Variants in RARB observed in about 807,000 individuals in gnomAD.
The protein encoded by RARB is HBV-activated protein.
Under a neutral mutation model 51.9 loss-of-function variants are expected in RARB, and 17 were observed. The ratio of observed to expected loss-of-function variants is 0.33; its 90% CI spans 0.22 to 0.49. RARB has a LOEUF of 0.49. Among genes scored for constraint, RARB ranks in the 20% least tolerant of loss-of-function variants. RARB has a pLI of 0.99. For synonymous variants in RARB, 215 were observed against 195.4 expected (o/e 1.10, Z -0.84); for missense variants, 369 against 550.8 (o/e 0.67, Z 3.30).
intron 5 of RARB, among the ~76,000 whole-genome samples, chr3:25,318,183 A>G (rs909219606): frequency 1.3e-5 from 2 of 152,162 alleles, no homozygotes; most frequent in African/African-American, 4.8e-5. Flanking sequence ...CTCTTTATGT[A>G]TAGCTGAGTT....
intron 5 of RARB, among the ~76,000 whole-genome samples, chr3:25,345,429 G>T (rs1705360039): frequency 6.6e-6 from 1 of 152,152 alleles, no homozygotes; most frequent in South Asian, 2.1e-4. Flanking sequence ...CACTTTGGGA[G>T]GCTGAGGTGG....
chr3:24,918,619 G>A (rs866272277), intron 2 of RARB, among the ~76,000 whole-genome samples: 37 of 152,194 alleles, frequency 2.4e-4, no homozygotes, highest in South Asian at 8.3e-4. Flanking sequence ...ACAGTGGCTC[G>A]CACCTGTAAT....
At chr3:25,251,312 A>G (rs948081584) in intron 5 of RARB, among the ~76,000 whole-genome samples, 3 of 152,060 alleles carry the variant, frequency 2.0e-5, no homozygotes, top group Non-Finnish European at 4.4e-5. Flanking sequence ...GGCTTTTATG[A>G]ATAATGCTGC....
At chr3:24,944,191 T>C (rs1319106870) in intron 2 of RARB, among the ~76,000 whole-genome samples, 2 of 152,208 alleles carry the variant, frequency 1.3e-5, no homozygotes, top group African/African-American at 4.8e-5. Context: ...ACTTACATTC[T>C]TGTTTCTCTC....
intron 3 of RARB, among the ~76,000 whole-genome samples, chr3:25,524,655 C>CCTTCCTTCTTT: frequency 1.4e-5 from 2 of 145,360 alleles, no homozygotes; most frequent in African/African-American, 5.0e-5. Context: ...CTCCCTCCTT[C>CCTTCCTTCTTT]CTTCCTTCTT....
At chr3:25,568,443 C>T (rs928260672) in intron 3 of RARB, among the ~76,000 whole-genome samples, 1 of 152,202 alleles carries the variant, frequency 6.6e-6, no homozygotes, top group African/African-American at 2.4e-5. Context: ...GCCCTCCCTC[C>T]TGGTTAGGTA....
intron 1 of RARB, among the ~76,000 whole-genome samples, chr3:25,445,438 G>A (rs866961217): frequency 5.3e-5 from 8 of 152,254 alleles, no homozygotes; most frequent in African/African-American, 1.9e-4. Flanking sequence ...GCCGAGACAG[G>A]TGGATCACTT....
chr3:25,192,640 A>G (rs1049313505), intron 5 of RARB, among the ~76,000 whole-genome samples: 1 of 152,060 alleles, frequency 6.6e-6, no homozygotes, highest in African/African-American at 2.4e-5. Flanking sequence ...GGTTTGCCAT[A>G]ATTAGGGGTT....
At chr3:25,148,807 T>C (rs548471939) in intron 4 of RARB, among the ~76,000 whole-genome samples, 1 of 152,254 alleles carries the variant, frequency 6.6e-6, no homozygotes, top group African/African-American at 2.4e-5. Context: ...TTGCCAAATA[T>C]TCCCTTTCTC....
At chr3:25,187,665 G>A (rs894908118) in intron 5 of RARB, among the ~76,000 whole-genome samples, 4 of 152,032 alleles carry the variant, frequency 2.6e-5, no homozygotes, top group African/African-American at 9.7e-5. Flanking sequence ...GATTTCATTT[G>A]TTGTGACGAG....
At chr3:25,581,363 G>T (rs956899648) in intron 5 of RARB, among the ~76,000 whole-genome samples, 1 of 152,096 alleles carries the variant, frequency 6.6e-6, no homozygotes, top group Non-Finnish European at 1.5e-5. Context: ...TTCTCCATGG[G>T]CCTCCCTGCG....
intron 5 of RARB, among the ~76,000 whole-genome samples, chr3:25,402,429 G>C (rs1007179912): frequency 1.3e-5 from 2 of 152,204 alleles, no homozygotes; most frequent in African/African-American, 4.8e-5. Flanking sequence ...GAGCTACCAT[G>C]TGATCTAGCA....
intron 2 of RARB, among the ~76,000 whole-genome samples, chr3:24,977,703 A>G (rs1033615235): frequency 5.9e-5 from 9 of 152,168 alleles, no homozygotes; most frequent in South Asian, 2.1e-4. Context: ...CTGCAAACAG[A>G]GACAATTTGA....
intron 5 of RARB, among the ~76,000 whole-genome samples, chr3:25,329,433 G>T (rs900730563): frequency 6.6e-6 from 1 of 152,194 alleles, no homozygotes; most frequent in Non-Finnish European, 1.5e-5. Context: ...CAACAGACCT[G>T]CAGCTGAGGG....
At chr3:25,007,180 G>A (rs1697290506) in intron 2 of RARB, among the ~76,000 whole-genome samples, 1 of 152,166 alleles carries the variant, frequency 6.6e-6, no homozygotes, top group Admixed American at 6.5e-5. Flanking sequence ...AAAAGGCCAG[G>A]GAGCCTGCAT....
chr3:25,306,682 T>C (rs532606392), intron 5 of RARB, among the ~76,000 whole-genome samples: 2 of 152,334 alleles, frequency 1.3e-5, no homozygotes, highest in African/African-American at 4.8e-5. Flanking sequence ...CATGTGAAGT[T>C]CGCATGTCAT....
At position 25,078,290 on chromosome 3, in the gene RARB, CTT is replaced by C. The variant is rs201811114; in HGVS notation, c.-328+18117_-328+18118del. 1.7e-3 allele frequency among the ~76,000 whole-genome samples: 252 copies of C among 152,180 alleles called. 4 individuals carry two copies. The East Asian group carries it at 0.017, about 10-fold the overall frequency. ...TCTCGGGATCTTTAATTCACTCTAA[CTT>C]TTGTGTGGTATAAAGCTGGGATGTA... On this transcript the variant is annotated intron_variant, in intron 3 of 11. Transcript: ENST00000383772.
chr3:24,866,944 A>G (rs1575043596), intron 2 of RARB, among the ~76,000 whole-genome samples: 2 of 152,042 alleles, frequency 1.3e-5, no homozygotes, highest in African/African-American at 2.4e-5. Flanking sequence ...TGGGGGTACA[A>G]TCACAGGGGT....
At position 25,333,651 on chromosome 3, in the gene RARB, G is replaced by A. The variant is rs1258196214; in HGVS notation, c.179-127542G>A. On this transcript the variant is annotated intron_variant, in intron 5 of 11. Coordinates refer to the RARB transcript ENST00000383772. ...TTATGTCTAAAACACCAAAAGCAAT[G>A]GCAACAAAAGCCAAAATTGACAAAT... 2.0e-5 allele frequency among the ~76,000 whole-genome samples: 3 copies of A among 152,206 alleles called. No individual in the cohort carries two copies. The East Asian group carries it at 5.8e-4, about 29-fold the overall frequency.
Sources: gnomAD v4.1 joint callset for allele counts (sites outside exome capture counted in the v4.1 genomes callset) on GRCh38, gnomAD v4.1.1 for gene constraint, MANE v1.5 for transcripts, NCBI Gene and HGNC (gene_info 2026-07-23, HGNC 2026-07-21) for gene names.